Variants in SHANK2 observed in about 807,000 individuals in gnomAD.
SHANK2 encodes the protein SH3 and multiple ankyrin repeat domains 2.
In SHANK2, 43 loss-of-function variants were observed where a neutral mutation model predicts 133.7. The observed-to-expected ratio is 0.32, with a 90% CI of 0.25 to 0.41. The LOEUF is 0.41. SHANK2 is among the 10% of genes least tolerant of loss of function. The pLI is 1.00. For missense variants in SHANK2, 1,994 were observed against 2,235.8 expected (o/e 0.89, Z 2.18); for synonymous variants, 1,017 against 952.8 (o/e 1.07, Z -1.24).
intron 2 of SHANK2, among the ~76,000 whole-genome samples, chr11:71,167,707 C>T (rs1236060533): frequency 7.2e-6 from 1 of 138,758 alleles, no homozygotes. Context: ...AGCGGCTGGC[C>T]GGGCAGAGGG....
At chr11:70,490,235 G>A (rs782692533) in intron 23 of SHANK2, 41 bp downstream of exon 23, 3 of 1,541,260 alleles carry the variant, frequency 1.9e-6, no homozygotes, top group Admixed American at 3.3e-5. Flanking sequence ...GTGTTTGAAA[G>A]CCCAGGGGCA....
chr11:71,087,451 C>T (rs1395271703), intron 8 of SHANK2, among the ~76,000 whole-genome samples: 1 of 152,188 alleles, frequency 6.6e-6, no homozygotes, highest in African/African-American at 2.4e-5. Context: ...CTGTGAACTA[C>T]TCCACGTTTA....
intron 17 of SHANK2, among the ~76,000 whole-genome samples, chr11:70,636,565 A>ATG (rs10695663): frequency 0.6 from 87,556 of 146,932 alleles, 26,228 homozygotes; most frequent in Middle Eastern, 0.7. Flanking sequence ...GTACATGTGC[A>ATG]TGTGTGTGTA....
chr11:71,138,559 G>A (rs1952492315), intron 3 of SHANK2, among the ~76,000 whole-genome samples: 1 of 152,058 alleles, frequency 6.6e-6, no homozygotes, highest in Admixed American at 6.5e-5. Context: ...GTTCACGCCT[G>A]TAATCCCAGC....
chr11:71,136,506 A>T (rs1440475431), intron 3 of SHANK2, among the ~76,000 whole-genome samples: 1 of 152,236 alleles, frequency 6.6e-6, no homozygotes, highest in Non-Finnish European at 1.5e-5. Flanking sequence ...GGGGGGTGAG[A>T]AATTACTTAA....
intron 14 of SHANK2, among the ~76,000 whole-genome samples, chr11:70,785,177 G>A (rs1334560776): frequency 6.6e-6 from 1 of 152,148 alleles, no homozygotes; most frequent in Non-Finnish European, 1.5e-5. Flanking sequence ...AATGGGCATG[G>A]CCAGGAGGGG....
At chr11:71,220,955 C>T (rs1954523861) in intron 2 of SHANK2, among the ~76,000 whole-genome samples, 1 of 152,166 alleles carries the variant, frequency 6.6e-6, no homozygotes, top group Non-Finnish European at 1.5e-5. Flanking sequence ...AATCCCAGCA[C>T]TTTGGGAGGC....
intron 11 of SHANK2, among the ~76,000 whole-genome samples, chr11:70,866,438 A>C (rs1006655926): frequency 6.6e-6 from 1 of 152,210 alleles, no homozygotes; most frequent in African/African-American, 2.4e-5. Context: ...CTGCTGAAAC[A>C]AGAAGGGAAC....
chr11:71,103,776 T>C (rs746200739), intron 6 of SHANK2, among the ~76,000 whole-genome samples: 23 of 151,708 alleles, frequency 1.5e-4, no homozygotes, highest in Admixed American at 3.3e-4. Flanking sequence ...GTCCTGACAA[T>C]TGTGAGTGAA....
intron 17 of SHANK2, among the ~76,000 whole-genome samples, chr11:70,589,702 A>T (rs887352829): frequency 3.3e-5 from 5 of 152,222 alleles, no homozygotes; most frequent in Admixed American, 2.6e-4. Context: ...ACCATTCTAG[A>T]TGGCATTAGG....
intron 2 of SHANK2, among the ~76,000 whole-genome samples, chr11:71,210,934 C>A (rs558929880): frequency 1.3e-5 from 2 of 152,162 alleles, no homozygotes; most frequent in Non-Finnish European, 2.9e-5. Context: ...CATAACAGGT[C>A]CAAGACAGAC....
At chr11:70,609,692 G>A (rs1466155251) in intron 17 of SHANK2, among the ~76,000 whole-genome samples, 1 of 112,832 alleles carries the variant, frequency 8.9e-6, no homozygotes, top group Non-Finnish European at 1.9e-5. Flanking sequence ...TGTATATACT[G>A]TATATTGTAT....
intron 18 of SHANK2, 50 bp downstream of exon 18, chr11:70,502,746 C>A (rs1565543582): frequency 1.1e-5 from 11 of 967,270 alleles, no homozygotes; most frequent in East Asian, 5.2e-5. Context: ...CCCCCACCCC[C>A]CCCCCCCAGT....
chr11:71,246,813 G>T (rs1954967319), intron 1 of SHANK2, among the ~76,000 whole-genome samples: 2 of 152,212 alleles, frequency 1.3e-5, no homozygotes, highest in East Asian at 3.9e-4. Flanking sequence ...TGCAACTAGG[G>T]CTTCAATTAA....
intron 3 of SHANK2, among the ~76,000 whole-genome samples, chr11:71,138,019 C>T (rs1244788557): frequency 4.1e-4 from 62 of 150,142 alleles, no homozygotes; most frequent in African/African-American, 1.3e-3. Flanking sequence ...CTAATGGTAA[C>T]GAACCACACT....
chr11:70,828,122 T>C (rs1479734372), intron 11 of SHANK2, among the ~76,000 whole-genome samples: 1 of 151,932 alleles, frequency 6.6e-6, no homozygotes, highest in African/African-American at 2.4e-5. Flanking sequence ...CCATGAAAAA[T>C]AATTTAAAAA....
intron 9 of SHANK2, among the ~76,000 whole-genome samples, chr11:71,057,727 T>G (rs1486618144): frequency 6.3e-4 from 95 of 151,556 alleles, no homozygotes; most frequent in African/African-American, 2.3e-3. Context: ...ATTTTTTTTT[T>G]TTGGAGAGCC....
chr11:71,097,952 CTG>C (rs1483959649), intron 6 of SHANK2, among the ~76,000 whole-genome samples: 1 of 145,588 alleles, frequency 6.9e-6, no homozygotes, highest in Non-Finnish European at 1.5e-5. Flanking sequence ...GCCTGTGTGT[CTG>C]TGCATGCCTG....
At chr11:71,232,256 A>T (rs3020025) in intron 1 of SHANK2, among the ~76,000 whole-genome samples, 13,303 of 152,094 alleles carry the variant, frequency 0.087, 1,578 homozygotes, top group African/African-American at 0.27. Flanking sequence ...TCAGGCCATA[A>T]AAGGGCACCA....
Sources: allele counts gnomAD v4.1 joint callset (sites outside exome capture counted in the v4.1 genomes callset), GRCh38; gene constraint gnomAD v4.1.1; transcripts MANE v1.5; gene names NCBI Gene and HGNC (gene_info 2026-07-23, HGNC 2026-07-21).